Variants in QTMAN observed in about 807,000 individuals in gnomAD.
The protein encoded by QTMAN is queuosine-tRNA mannosyltransferase, also known as tRNA-queuosine alpha-mannosyltransferase.
chr2:143,991,549 G>A, the QTMAN span, among the ~76,000 whole-genome samples: 2 of 147,566 alleles, frequency 1.4e-5, no homozygotes, highest in South Asian at 2.1e-4. Context: ...CGCCCCGTCC[G>A]GGAGGGAGGT....
At chr2:144,184,808 G>A in the QTMAN span, among the ~76,000 whole-genome samples, 1 of 151,950 alleles carries the variant, frequency 6.6e-6, no homozygotes, top group African/African-American at 2.4e-5. Flanking sequence ...CCCTATATAG[G>A]TATAACTCCA....
the QTMAN span, chr2:143,942,464 G>C: frequency 7.8e-5 from 13 of 167,510 alleles, 1 homozygote. Flanking sequence ...AAGGGGAGAG[G>C]CAACACTATG....
the QTMAN span, chr2:143,938,637 TC>T: frequency 6.6e-6 from 1 of 150,388 alleles, no homozygotes; most frequent in Non-Finnish European, 1.5e-5. Context: ...GATGTTTTTT[TC>T]CATTTTCAAT....
At chr2:144,141,868 T>G in the QTMAN span, 1 of 1,573,910 alleles carries the variant, frequency 6.4e-7, no homozygotes, top group Non-Finnish European at 8.7e-7. Context: ...GAGAACAGAG[T>G]CAAACATACT....
the QTMAN span, among the ~76,000 whole-genome samples, chr2:144,182,958 G>T: frequency 7.8e-6 from 1 of 128,968 alleles, no homozygotes; most frequent in Middle Eastern, 4.5e-3. Flanking sequence ...CCATACATAA[G>T]AACAGGAAAT....
chr2:144,333,055 C>T, the QTMAN span, among the ~76,000 whole-genome samples: 17 of 152,290 alleles, frequency 1.1e-4, no homozygotes, highest in Admixed American at 5.9e-4. Flanking sequence ...TGCTCTGCAG[C>T]CCGGAGCTCC....
the QTMAN span, among the ~76,000 whole-genome samples, chr2:144,269,321 G>C: frequency 1.3e-5 from 2 of 151,952 alleles, no homozygotes; most frequent in African/African-American, 2.4e-5. Context: ...GAATCTTAAG[G>C]GTCCTAGGAT....
chr2:144,325,173 T>C, the QTMAN span, among the ~76,000 whole-genome samples: 1 of 152,248 alleles, frequency 6.6e-6, no homozygotes, highest in Non-Finnish European at 1.5e-5. Context: ...ATATCTTTTA[T>C]AACCTGCTGT....
chr2:144,048,819 T>TACAC, the QTMAN span, among the ~76,000 whole-genome samples: 14 of 148,332 alleles, frequency 9.4e-5, no homozygotes, highest in South Asian at 4.3e-4. Flanking sequence ...CACACATGCA[T>TACAC]ACACACACAC....
the QTMAN span, among the ~76,000 whole-genome samples, chr2:144,020,033 C>T: frequency 6.6e-6 from 1 of 152,164 alleles, no homozygotes; most frequent in Non-Finnish European, 1.5e-5. Flanking sequence ...GAATGGACAG[C>T]CAGGAACCAG....
the QTMAN span, among the ~76,000 whole-genome samples, chr2:144,081,343 A>G: frequency 2.6e-5 from 4 of 152,168 alleles, no homozygotes; most frequent in African/African-American, 9.7e-5. Flanking sequence ...TTCTGTGGCA[A>G]TTGCTTAACT....
chr2:144,164,238 G>C, the QTMAN span, among the ~76,000 whole-genome samples: 1 of 151,386 alleles, frequency 6.6e-6, no homozygotes, highest in South Asian at 2.1e-4. Flanking sequence ...TTTGTTTTTT[G>C]CATTTTTTGT....
At chr2:143,949,470 TAAG>T in the QTMAN span, among the ~76,000 whole-genome samples, 1 of 151,898 alleles carries the variant, frequency 6.6e-6, no homozygotes, top group Admixed American at 6.6e-5. Context: ...CTCTATATGA[TAAG>T]AAGTTGAAAT....
the QTMAN span, chr2:143,939,120 T>C: frequency 2.6e-5 from 4 of 152,326 alleles, no homozygotes; most frequent in East Asian, 5.8e-4. Flanking sequence ...CTTTCTGTGG[T>C]TTAGCCACAT....
chr2:144,262,596 G>A, the QTMAN span, among the ~76,000 whole-genome samples: 13 of 122,326 alleles, frequency 1.1e-4, no homozygotes, highest in Non-Finnish European at 1.2e-4. Context: ...TGAAAGGGGA[G>A]AGAGGAGGGG....
the QTMAN span, among the ~76,000 whole-genome samples, chr2:144,155,582 T>C: frequency 1.3e-5 from 2 of 152,156 alleles, no homozygotes; most frequent in Non-Finnish European, 2.9e-5. Context: ...TTCTAAATAC[T>C]ATAAAGTTTG....
chr2:144,200,230 T>TA, the QTMAN span, among the ~76,000 whole-genome samples: 12 of 152,022 alleles, frequency 7.9e-5, no homozygotes, highest in Non-Finnish European at 1.6e-4. Context: ...AGCATTAATT[T>TA]AAAAAAAAGT....
the QTMAN span, among the ~76,000 whole-genome samples, chr2:144,012,569 C>T: frequency 1.3e-5 from 2 of 152,046 alleles, no homozygotes; most frequent in Non-Finnish European, 2.9e-5. Flanking sequence ...ATTCATGTGC[C>T]GTTGAATAGA....
chr2:144,067,474 T>C, the QTMAN span, among the ~76,000 whole-genome samples: 1 of 152,182 alleles, frequency 6.6e-6, no homozygotes, highest in South Asian at 2.1e-4. Flanking sequence ...AGAAATTTGA[T>C]GGTTATGCCA....
Sources: gnomAD v4.1 joint callset for allele counts (sites outside exome capture counted in the v4.1 genomes callset) on GRCh38, gnomAD v4.1.1 for gene constraint, MANE v1.5 for transcripts, NCBI Gene and HGNC (gene_info 2026-07-23, HGNC 2026-07-21) for gene names.